Variants in SLC30A6 observed in about 807,000 individuals in gnomAD.
SLC30A6 encodes solute carrier family 30 member 6.
Under a neutral mutation model 63.0 loss-of-function variants are expected in SLC30A6, and 55 were observed. The ratio of observed to expected loss-of-function variants is 0.87; its 90% CI spans 0.70 to 1.09. The LOEUF (loss-of-function observed/expected upper bound fraction) is 1.09, where lower values mean the gene tolerates loss of function less well. Ranked by LOEUF, SLC30A6 falls within the 50% of genes least tolerant of loss-of-function variation. The pLI, the probability that SLC30A6 is intolerant of heterozygous loss-of-function variation, is 0.00. For missense variants in SLC30A6, 587 were observed against 549.2 expected (o/e 1.07, Z -0.69); for synonymous variants, 224 against 186.1 (o/e 1.20, Z -1.66).
At chr2:32,189,689 G>A (rs1683159208) in intron 5 of SLC30A6, among the ~76,000 whole-genome samples, 1 of 128,178 alleles carries the variant, frequency 7.8e-6, no homozygotes, top group African/African-American at 3.0e-5. Flanking sequence ...GCTCATTGCA[G>A]CCTTCAACAC....
At position 32,171,795 on chromosome 2, in the gene SLC30A6, C is replaced by T. The variant is rs933855369; in HGVS notation, c.90+422C>T. 8.6e-5 allele frequency among the ~76,000 whole-genome samples: 13 copies of T among 151,930 alleles called. No individual in the cohort carries two copies. In the East Asian group the frequency reaches 1.9e-3, roughly 23 times the overall value. On this transcript the variant is annotated intron_variant, in intron 2 of 13. Coordinates refer to ENST00000282587, the MANE Select transcript of SLC30A6 (RefSeq NM_017964.5). ...GCAACCTCTGCCTCCCGGGTTCAAG[C>T]GATTCTCCTGCCTCAGCCTCCCAAG...
rs1221046490 is a variant in SLC30A6 at position 32,175,329 on chromosome 2, C to T, written c.186C>T (p.Ala62=). The change falls in exon 4 of 14, where the codon GCC becomes GCT. Residue 62 remains alanine (A), a synonymous_variant. Transcript: ENST00000282587. ...CSSTNSIALT[A]YTYLTIFDLF... ...TTTGTTGTTTTGCAGCTTTAACTGCCTATACTTACCTGACCATTTTTGATC... is the reference window on the plus strand; with the variant it reads ...TTTGTTGTTTTGCAGCTTTAACTGCTTATACTTACCTGACCATTTTTGATC... 1.2e-6 allele frequency: 2 copies of T among 1,611,200 alleles called. No individual in the cohort carries two copies. The highest frequency in any genetic ancestry group is 1.7e-6 in the Non-Finnish European group (2 of 1,179,198).
chr2:32,186,176 A>G (rs572229139), intron 5 of SLC30A6, among the ~76,000 whole-genome samples: 1 of 152,248 alleles, frequency 6.6e-6, no homozygotes, highest in South Asian at 2.1e-4. Flanking sequence ...CTGGGATTAC[A>G]GGTGTGCACC....
intron 10 of SLC30A6, chr2:32,203,532 G>A: frequency 1.9e-6 from 3 of 1,606,408 alleles, no homozygotes; most frequent in Admixed American, 1.7e-5. Context: ...TTTGAACCAC[G>A]ATCTTTGATC....
chr2:32,168,163 T>C (rs1299901753), intron 1 of SLC30A6, among the ~76,000 whole-genome samples: 1 of 150,454 alleles, frequency 6.6e-6, no homozygotes, highest in East Asian at 2.0e-4. Flanking sequence ...AGGTTTTGCG[T>C]TTATTAAGAA....
chr2:32,175,327 G>A lies in SLC30A6; in HGVS notation c.184G>A (p.Ala62Thr), dbSNP rs1681635523. Residue 62 changes from alanine to threonine, a missense_variant, in exon 4 of 14, where the codon GCC becomes ACC. Transcript: ENST00000282587. ...TTTTTGTTGTTTTGCAGCTTTAACT[G>A]CCTATACTTACCTGACCATTTTTGA... is the stretch of plus-strand genomic sequence containing the variant. ...CSSTNSIALT[A>T]YTYLTIFDLF... The A allele has an allele frequency of 6.2e-7, 1 of 1,611,316 alleles. No individual in the cohort carries two copies. The highest frequency in any genetic ancestry group is 1.3e-5 in the African/African-American group (1 of 74,764).
At chr2:32,194,030 A>G in intron 8 of SLC30A6, 47 bp downstream of exon 8, 8 of 1,475,604 alleles carry the variant, frequency 5.4e-6, no homozygotes, top group Non-Finnish European at 7.5e-6. Context: ...CTAATCTCTC[A>G]TAAAAACAAG....
intron 3 of SLC30A6, among the ~76,000 whole-genome samples, chr2:32,174,784 C>T (rs957592189): frequency 1.4e-5 from 2 of 145,264 alleles, no homozygotes; most frequent in Non-Finnish European, 3.0e-5. Flanking sequence ...GATCTCCTGA[C>T]CTTATGATCC....
intron 4 of SLC30A6, 62 bp downstream of exon 4, chr2:32,175,423 T>A (rs1031762292): frequency 7.0e-7 from 1 of 1,426,312 alleles, no homozygotes; most frequent in African/African-American, 1.4e-5. Flanking sequence ...AAATGTGGTA[T>A]AGCCATACAA....
intron 1 of SLC30A6, among the ~76,000 whole-genome samples, chr2:32,170,505 A>G (rs965330446): frequency 2.6e-5 from 4 of 152,066 alleles, no homozygotes; most frequent in African/African-American, 9.7e-5. Context: ...AACTAACTAT[A>G]CACTAGCAGG....
intron 11 of SLC30A6, among the ~76,000 whole-genome samples, 183 bp from the exon 12 acceptor site, chr2:32,206,703 G>A (rs868093459): frequency 4.6e-5 from 7 of 152,078 alleles, no homozygotes; most frequent in South Asian, 2.1e-4. Flanking sequence ...AAACAGGTGT[G>A]GGCCAGTTGA....
intron 4 of SLC30A6, among the ~76,000 whole-genome samples, chr2:32,180,127 C>T (rs921939444): frequency 3.9e-5 from 6 of 151,994 alleles, no homozygotes; most frequent in African/African-American, 1.4e-4. Flanking sequence ...ATAGACCAGG[C>T]ACAGTGGCTC....
intron 13 of SLC30A6, among the ~76,000 whole-genome samples, chr2:32,212,470 G>A (rs929908942): frequency 1.3e-5 from 2 of 151,668 alleles, no homozygotes; most frequent in East Asian, 3.9e-4. Context: ...TTAAAATTAG[G>A]AGTGGTTTAG....
chr2:32,202,982 T>C, intron 10 of SLC30A6: 1 of 1,146,268 alleles, frequency 8.7e-7, no homozygotes, highest in Non-Finnish European at 1.3e-6. Flanking sequence ...CGGCTATTAT[T>C]TTCTGTGAGA....
intron 8 of SLC30A6, 49 bp from the exon 9 acceptor site, chr2:32,197,295 T>TC: frequency 6.9e-7 from 1 of 1,446,164 alleles, no homozygotes; most frequent in Non-Finnish European, 9.4e-7. Context: ...TTTCAGGTAG[T>TC]GGTTTTTTTT....
chr2:32,219,020 A>G (rs563658048), intron 13 of SLC30A6, among the ~76,000 whole-genome samples: 1 of 152,236 alleles, frequency 6.6e-6, no homozygotes, highest in South Asian at 2.1e-4. Flanking sequence ...GCCTCTTTTT[A>G]ACCTTATTAC....
intron 5 of SLC30A6, among the ~76,000 whole-genome samples, chr2:32,191,337 A>G (rs796428067): frequency 2.0e-5 from 3 of 152,148 alleles, no homozygotes; most frequent in Admixed American, 6.6e-5. Context: ...GTTTAACAAT[A>G]TATAATGTTC....
At chr2:32,206,232 G>A (rs569801125) in intron 11 of SLC30A6, among the ~76,000 whole-genome samples, 17 of 152,052 alleles carry the variant, frequency 1.1e-4, no homozygotes, top group Non-Finnish European at 2.2e-4. Flanking sequence ...AGATGACGAG[G>A]TCAGGAGATC....
chr2:32,172,681 T>C (rs1681343984), intron 2 of SLC30A6, among the ~76,000 whole-genome samples: 1 of 152,220 alleles, frequency 6.6e-6, no homozygotes, highest in Non-Finnish European at 1.5e-5. Context: ...CTGGTCTCAC[T>C]TTGAATTCAT....
Sources: gnomAD v4.1 joint callset for allele counts (sites outside exome capture counted in the v4.1 genomes callset) on GRCh38, gnomAD v4.1.1 for gene constraint, MANE v1.5 for transcripts, NCBI Gene and HGNC (gene_info 2026-07-23, HGNC 2026-07-21) for gene names.